Variants in TNFRSF21 observed in about 807,000 individuals in gnomAD.
TNFRSF21 encodes tumor necrosis factor receptor superfamily member 21.
In TNFRSF21, 19 loss-of-function variants were observed where a neutral mutation model predicts 45.6. The observed-to-expected ratio is 0.42, with a 90% CI of 0.29 to 0.61. The LOEUF (loss-of-function observed/expected upper bound fraction) is 0.61, where lower values mean the gene tolerates loss of function less well. Among genes scored for constraint, TNFRSF21 ranks in the 20% least tolerant of loss-of-function variants. The pLI is 0.23. For missense variants in TNFRSF21, 737 were observed against 851.5 expected (o/e 0.87, Z 1.67); for synonymous variants, 314 against 335.5 (o/e 0.94, Z 0.70).
intron 3 of TNFRSF21, among the ~76,000 whole-genome samples, chr6:47,256,866 C>T (rs1422876763): frequency 6.6e-6 from 1 of 152,122 alleles, no homozygotes; most frequent in Admixed American, 6.5e-5. Context: ...GAAAACATGA[C>T]CATGTTTTCT....
rs747144545 is a variant in TNFRSF21 at position 47,253,500 on chromosome 6, AC to A, written c.1264del (p.Val422Ter). 2 of 1,612,864 alleles carry A rather than the reference AC, an allele frequency of 1.2e-6. No individual in the cohort carries two copies. The highest frequency in any genetic ancestry group is 8.5e-7 in the Non-Finnish European group (1 of 1,180,042). On this transcript the variant is annotated frameshift_variant, in exon 4 of 6. Transcript: ENST00000296861. LOFTEE classifies it high-confidence loss of function. ...CCACTGGCTTCCCACTTGGGCTGCT[AC>A]AAGCTTCAGGATATCGATACCTACA... is the stretch of plus-strand genomic sequence containing the variant. ...NGHGIDILKL[V>X]AAQVGSQWKD...
At position 47,291,871 on chromosome 6, in the gene TNFRSF21, G is replaced by C. The variant is rs540861251; in HGVS notation, c.97-5276C>G. ...GACTGCTCCATGGCCTCTTTCGCCTGAGTGAAACCCTGCTGAGAGGAAGAG... is the reference window on the plus strand; with the variant it reads ...GACTGCTCCATGGCCTCTTTCGCCTCAGTGAAACCCTGCTGAGAGGAAGAG... On this transcript the variant is annotated intron_variant, in intron 1 of 5. Coordinates refer to ENST00000296861, the MANE Select transcript of TNFRSF21 (RefSeq NM_014452.5). Among the ~76,000 whole-genome samples, 96 of 152,346 alleles carry C rather than the reference G, an allele frequency of 6.3e-4. 1 individual carries two copies. The highest frequency in any genetic ancestry group is 2.2e-3 in the African/African-American group (90 of 41,584).
chr6:47,289,345 A>G (rs1371306207), intron 1 of TNFRSF21, among the ~76,000 whole-genome samples: 1 of 152,196 alleles, frequency 6.6e-6, no homozygotes, highest in African/African-American at 2.4e-5. Context: ...ATTTGAATCA[A>G]AAGTATTTCC....
Position 47,234,902 on chromosome 6 carries a change from T to TA in TNFRSF21, c.1510-5dup, listed in dbSNP as rs778188121. 14 of 1,338,942 alleles carry TA rather than the reference T, an allele frequency of 1.0e-5. No homozygotes were observed. Among genetic ancestry groups the TA allele is most frequent in the Non-Finnish European group, 1.3e-5 (14 of 1,043,534 alleles). 82.9% of individuals were successfully genotyped at this position (1,338,942 alleles called of 1,614,324 possible). The stretch of plus-strand genomic sequence containing the variant: ...GAGCTAGTTTGTCAGTTTCCAGCTG[T>TA]AGGAGGGAAAATTTTTTTTTATTAT... On this transcript the variant is annotated splice_polypyrimidine_tract_variant and splice_region_variant and intron_variant, in intron 4 of 5. Coordinates refer to ENST00000296861, the MANE Select transcript of TNFRSF21 (RefSeq NM_014452.5).
chr6:47,298,028 A>G (rs1223252072), intron 1 of TNFRSF21, among the ~76,000 whole-genome samples: 2 of 152,226 alleles, frequency 1.3e-5, no homozygotes, highest in African/African-American at 4.8e-5. Context: ...CATTTAAAAT[A>G]AAAACTTGGT....
At chr6:47,255,269 G>A (rs979721244) in intron 3 of TNFRSF21, among the ~76,000 whole-genome samples, 9 of 152,174 alleles carry the variant, frequency 5.9e-5, no homozygotes, top group South Asian at 2.1e-4. Context: ...GGCACCAACC[G>A]TTCGTGAGGG....
At position 47,232,633 on chromosome 6, in the gene TNFRSF21, A is replaced by G; in HGVS notation, c.*132T>C. On this transcript the variant is annotated 3_prime_UTR_variant, in exon 6 of 6. Coordinates refer to ENST00000296861, the MANE Select transcript of TNFRSF21 (RefSeq NM_014452.5). Reference sequence around the variant, plus strand: ...GCCATATTCTCTGTTAAACACACACACACACACACACACACACACACACAC... The same window carrying G: ...GCCATATTCTCTGTTAAACACACACGCACACACACACACACACACACACAC... 1.4e-6 allele frequency: 1 copy of G among 695,628 alleles called. No homozygotes were observed. The highest frequency in any genetic ancestry group is 2.4e-6 in the Non-Finnish European group (1 of 414,192). 43.1% of individuals were successfully genotyped at this position (695,628 alleles called of 1,614,324 possible). A position where few individuals can be genotyped will look rare whatever the true frequency, so the allele number is the denominator to read the frequency against.
chr6:47,292,999 A>T (rs764675696), intron 1 of TNFRSF21, among the ~76,000 whole-genome samples: 8 of 152,192 alleles, frequency 5.3e-5, no homozygotes, highest in Admixed American at 3.9e-4. Flanking sequence ...GTTCACCTCT[A>T]ACCCTCTAAG....
chr6:47,268,107 A>C (rs1038059163), intron 3 of TNFRSF21, among the ~76,000 whole-genome samples: 2 of 152,226 alleles, frequency 1.3e-5, no homozygotes, highest in South Asian at 2.1e-4. Flanking sequence ...ACTAGTTCCC[A>C]GCTCAGGATC....
At chr6:47,246,689 G>T (rs529668040) in intron 4 of TNFRSF21, among the ~76,000 whole-genome samples, 6 of 152,048 alleles carry the variant, frequency 3.9e-5, no homozygotes, top group Non-Finnish European at 7.4e-5. Context: ...TAAAACAGAC[G>T]TTCTTTGCAG....
rs531449599 is a variant in TNFRSF21 at position 47,234,968 on chromosome 6, A to T, written c.1510-70T>A. The T allele has an allele frequency of 2.2e-5, 21 of 938,618 alleles. No individual in the cohort carries two copies. In the Admixed American group the frequency reaches 7.7e-4, roughly 34 times the overall value. 58.1% of individuals were successfully genotyped at this position (938,618 alleles called of 1,614,324 possible). ...CAGTAAAATTAAAATCCCTCCTCAG[A>T]GGCTATTTTTTTTGTTCCATTTAAC... On this transcript the variant is annotated intron_variant, in intron 4 of 5. Coordinates refer to ENST00000296861, the MANE Select transcript of TNFRSF21 (RefSeq NM_014452.5).
intron 4 of TNFRSF21, among the ~76,000 whole-genome samples, chr6:47,235,186 C>A (rs565974372): frequency 6.6e-6 from 1 of 151,968 alleles, no homozygotes; most frequent in African/African-American, 2.4e-5. Flanking sequence ...GAAAGATCCC[C>A]GATTTAAAAT....
chr6:47,305,208 C>T (rs1463572122), intron 1 of TNFRSF21, among the ~76,000 whole-genome samples: 5 of 152,136 alleles, frequency 3.3e-5, no homozygotes, highest in South Asian at 2.1e-4. Context: ...ATATACCATA[C>T]GAATTGTACC....
Position 47,257,395 on chromosome 6 carries a change from A to T in TNFRSF21, c.1244-3874T>A, listed in dbSNP as rs113932672. On this transcript the variant is annotated intron_variant, in intron 3 of 5. Transcript: ENST00000296861. Reference sequence around the variant, plus strand: ...ACTCCATGAACTGGCTGGGGTCGCCAATGTTCTTCACTGCTGTCCTCTCCC... The same window carrying T: ...ACTCCATGAACTGGCTGGGGTCGCCTATGTTCTTCACTGCTGTCCTCTCCC... Among the ~76,000 whole-genome samples the T allele has an allele frequency of 2.7e-3, 411 of 152,340 alleles. 3 individuals are homozygous for T. Among genetic ancestry groups the T allele is most frequent in the African/African-American group, 9.3e-3 (387 of 41,576 alleles).
intron 3 of TNFRSF21, among the ~76,000 whole-genome samples, chr6:47,271,970 C>G (rs754417450): frequency 8.5e-5 from 13 of 152,172 alleles, no homozygotes; most frequent in Non-Finnish European, 1.2e-4. Flanking sequence ...AGCTAACTAT[C>G]CTTAATATAT....
intron 4 of TNFRSF21, among the ~76,000 whole-genome samples, chr6:47,249,457 T>C (rs1764869987): frequency 6.6e-6 from 1 of 152,194 alleles, no homozygotes; most frequent in Non-Finnish European, 1.5e-5. Context: ...TATTTATAAA[T>C]AGGCACTTTT....
At chr6:47,307,495 C>CA (rs1179989962) in intron 1 of TNFRSF21, among the ~76,000 whole-genome samples, 2 of 152,180 alleles carry the variant, frequency 1.3e-5, no homozygotes, top group Non-Finnish European at 2.9e-5. Context: ...CCTCCCACCT[C>CA]AGCCTCCTGA....
chr6:47,309,289 TGCCCGTAACCCAGTCGGCCGGGCCCC>T, intron 1 of TNFRSF21, 101 bp downstream of exon 1: 1 of 1,328,546 alleles, frequency 7.5e-7, no homozygotes, highest in Non-Finnish European at 9.8e-7. Context: ...AACCCCTCAG[TGCCCGTAACCCAGTCGGCCGGGCCCC>T]GCGCCTCCCT....
chr6:47,236,446 C>T (rs554001096), intron 4 of TNFRSF21, among the ~76,000 whole-genome samples: 11 of 152,344 alleles, frequency 7.2e-5, no homozygotes, highest in African/African-American at 1.9e-4. Flanking sequence ...CAAAGTATTA[C>T]GTGGGATAGT....
Sources: allele counts gnomAD v4.1 joint callset (sites outside exome capture counted in the v4.1 genomes callset), GRCh38; gene constraint gnomAD v4.1.1; transcripts MANE v1.5; gene names NCBI Gene and HGNC (gene_info 2026-07-23, HGNC 2026-07-21).